Variants in COL23A1 observed in about 807,000 individuals in gnomAD.
COL23A1 encodes the protein collagen alpha-1(XXIII) chain.
A neutral mutation model predicts 99.3 loss-of-function variants in COL23A1; 97 were observed. The observed-to-expected ratio is 0.98, with a 90% CI of 0.83 to 1.16. COL23A1 has a LOEUF of 1.16. COL23A1 is among the 50% of genes most tolerant of loss of function. The probability of loss-of-function intolerance (pLI) is 0.00; values close to 1 mark genes in which losing one functional copy is unlikely to be tolerated. For missense variants in COL23A1, 762 were observed against 757.4 expected, an observed-to-expected ratio of 1.01 and a Z score of -0.07; for synonymous variants, 320 against 308.2, an observed-to-expected ratio of 1.04 and a Z score of -0.40.
chr5:178,403,752 G>T (rs1431615569), intron 2 of COL23A1, among the ~76,000 whole-genome samples: 1 of 152,228 alleles, frequency 6.6e-6, no homozygotes, highest in African/African-American at 2.4e-5. Flanking sequence ...CCCAACACCT[G>T]CAACGCTTTC....
In COL23A1 at chr5:178,333,247, C is replaced by T. The variant is rs750626680; in HGVS notation, c.362-26328G>A. Reference sequence around the variant, plus strand: ...CTGGCATTACAGGCGTGAGCCACCGCGCCCGGCCGACTCATGTTTTAAAAA... The same window carrying T: ...CTGGCATTACAGGCGTGAGCCACCGTGCCCGGCCGACTCATGTTTTAAAAA... On this transcript the variant is annotated intron_variant, in intron 2 of 28. Transcript: ENST00000390654. Among the ~76,000 whole-genome samples the T allele has an allele frequency of 2.6e-5, 4 of 152,126 alleles. No homozygotes were observed. In the East Asian group the frequency reaches 5.8e-4, roughly 22 times the overall value.
intron 2 of COL23A1, among the ~76,000 whole-genome samples, chr5:178,549,235 C>A (rs1174441664): frequency 6.6e-6 from 1 of 151,872 alleles, no homozygotes; most frequent in African/African-American, 2.4e-5. Context: ...CTCAGGTTAT[C>A]CACCCGCCTC....
intron 2 of COL23A1, among the ~76,000 whole-genome samples, chr5:178,523,193 T>TAG (rs1562051752): frequency 1.3e-5 from 1 of 79,996 alleles, no homozygotes; most frequent in Admixed American, 1.7e-4. Context: ...TATATATATA[T>TAG]ATATATATAG....
chr5:178,403,689 C>T (rs538747150), intron 2 of COL23A1, among the ~76,000 whole-genome samples: 3 of 152,370 alleles, frequency 2.0e-5, no homozygotes, highest in African/African-American at 7.2e-5. Context: ...GGCTGAGATG[C>T]CTCACAAATG....
chr5:178,314,013 C>G (rs765091729), intron 2 of COL23A1, among the ~76,000 whole-genome samples: 1 of 152,060 alleles, frequency 6.6e-6, no homozygotes. Context: ...TCACAAAGCC[C>G]TCTGTCCCTT....
rs1185187002 is a variant in COL23A1, at chr5:178,560,665, G to GC, written c.361+16dup. ...GGCCGAACGCAGGAGCCAGAAGGGA[G>GC]CTCAACCTTCACTTACCTGGGGGGC... On this transcript the variant is annotated intron_variant, in intron 2 of 28. Transcript: ENST00000390654. 6.2e-7 allele frequency: 1 copy of GC among 1,609,440 alleles called. No homozygotes were observed. The highest frequency in any genetic ancestry group is 8.5e-7 in the Non-Finnish European group (1 of 1,178,296).
intron 2 of COL23A1, among the ~76,000 whole-genome samples, chr5:178,361,288 C>T (rs1762160984): frequency 6.6e-6 from 1 of 152,156 alleles, no homozygotes; most frequent in Non-Finnish European, 1.5e-5. Flanking sequence ...GCACTAGGGA[C>T]AAACTGAGAC....
intron 2 of COL23A1, among the ~76,000 whole-genome samples, chr5:178,540,521 A>G (rs956595565): frequency 3.3e-5 from 5 of 152,204 alleles, no homozygotes; most frequent in Admixed American, 3.3e-4. Context: ...ATTAAAGAAG[A>G]CTCAAATACA....
rs1222629474 is a variant in COL23A1 at position 178,308,832 on chromosome 5, G to A, written c.362-1913C>T. Among the ~76,000 whole-genome samples the A allele has an allele frequency of 6.6e-6, 1 of 152,156 alleles. No homozygotes were observed. The highest frequency in any genetic ancestry group is 1.5e-5 in the Non-Finnish European group (1 of 68,028). ...GGGGGGCAGGTCAGCACTCTCGGGG[G>A]GGGCTTTCCTCCTCTCTGGGCCTGT... On this transcript the variant is annotated intron_variant, in intron 2 of 28. Transcript: ENST00000390654. This position sits in a 1 kb window ranked among gnomAD's most constrained non-coding sequence, Gnocchi z 5.1.
chr5:178,347,053 C>G (rs560378151), intron 2 of COL23A1, among the ~76,000 whole-genome samples: 1 of 152,270 alleles, frequency 6.6e-6, no homozygotes, highest in East Asian at 1.9e-4. Context: ...CAGGGTGAGG[C>G]CCAGCAGGGT....
At position 178,238,712 on chromosome 5, in the gene COL23A1, G is replaced by T. The variant is rs1439296987; in HGVS notation, c.1621-12C>A. 1 of 1,612,144 alleles carries T rather than the reference G, an allele frequency of 6.2e-7. No homozygotes were observed. The highest frequency in any genetic ancestry group is 2.2e-5 in the East Asian group (1 of 44,878). The stretch of plus-strand genomic sequence containing the variant: ...GGGCCTGTGGGTCACTGGAAAAGGA[G>T]GAAGAGACTGAAGGTGACGAGGAGC... On this transcript the variant is annotated splice_polypyrimidine_tract_variant and intron_variant, in intron 28 of 28. Transcript: ENST00000390654.
intron 2 of COL23A1, among the ~76,000 whole-genome samples, chr5:178,506,965 G>T (rs1272151597): frequency 1.3e-5 from 2 of 152,178 alleles, no homozygotes; most frequent in African/African-American, 4.8e-5. Flanking sequence ...AATATTAAGA[G>T]ATGATTTTTA....
chr5:178,489,198 G>A (rs1757796471), intron 2 of COL23A1, among the ~76,000 whole-genome samples: 1 of 152,180 alleles, frequency 6.6e-6, no homozygotes. Context: ...GGCCCAGTAG[G>A]GACAAAGCAG....
At chr5:178,258,164 C>T (rs1765411743) in intron 12 of COL23A1, among the ~76,000 whole-genome samples, 2 of 150,884 alleles carry the variant, frequency 1.3e-5, no homozygotes, top group South Asian at 4.2e-4. Flanking sequence ...GGGAGAACTG[C>T]CTGAGGCTGC....
chr5:178,483,299 C>A (rs1757438184), intron 2 of COL23A1, among the ~76,000 whole-genome samples: 1 of 151,928 alleles, frequency 6.6e-6, no homozygotes, highest in African/African-American at 2.4e-5. Context: ...GCATTAGATG[C>A]CACATAAAAC....
At chr5:178,557,074 C>T (rs946190389) in intron 2 of COL23A1, among the ~76,000 whole-genome samples, 2 of 152,212 alleles carry the variant, frequency 1.3e-5, no homozygotes, top group African/African-American at 2.4e-5. Flanking sequence ...AAGGTGTCTG[C>T]GGGGCGGGCT....
At chr5:178,375,459 C>T (rs1216373417) in intron 2 of COL23A1, among the ~76,000 whole-genome samples, 2 of 152,244 alleles carry the variant, frequency 1.3e-5, no homozygotes, top group African/African-American at 2.4e-5. Context: ...CAGAACTTGG[C>T]CTTTCTCTCG....
intron 3 of COL23A1, among the ~76,000 whole-genome samples, chr5:178,303,485 T>C (rs1042754692): frequency 1.3e-5 from 2 of 152,248 alleles, no homozygotes; most frequent in Non-Finnish European, 2.9e-5. Context: ...TTTTGCTCCT[T>C]TATGGAGAAG....
At chr5:178,301,249 T>C (rs1353520305) in intron 3 of COL23A1, among the ~76,000 whole-genome samples, 1 of 152,238 alleles carries the variant, frequency 6.6e-6, no homozygotes, top group Admixed American at 6.5e-5. Flanking sequence ...TTATGGTACT[T>C]TGCACCTCCA....
Sources: gnomAD v4.1 joint callset for allele counts (sites outside exome capture counted in the v4.1 genomes callset) on GRCh38, gnomAD v4.1.1 for gene constraint, Gnocchi (gnomAD v3.1) non-coding constraint, MANE v1.5 for transcripts, NCBI Gene and HGNC (gene_info 2026-07-23, HGNC 2026-07-21) for gene names.